Variants in FIBCD1 observed in about 807,000 individuals in gnomAD.
FIBCD1 encodes fibrinogen C domain-containing protein 1.
A neutral mutation model predicts 45.1 loss-of-function variants in FIBCD1; 47 were observed. That is an observed-to-expected ratio of 1.04 (90% CI 0.82 to 1.33). The LOEUF is 1.33. FIBCD1 is among the 40% of genes most tolerant of loss of function. FIBCD1 has a pLI of 0.00. For synonymous variants in FIBCD1, 313 were observed against 308.1 expected, an observed-to-expected ratio of 1.02 and a Z score of -0.17; for missense variants, 653 against 682.2, an observed-to-expected ratio of 0.96 and a Z score of 0.48.
At chr9:130,936,097 C>T (rs1294791685) in intron 1 of FIBCD1, 1 of 152,232 alleles carries the variant, frequency 6.6e-6, no homozygotes, top group Non-Finnish European at 1.5e-5. Flanking sequence ...GCAAAACACA[C>T]CAGTATGTCA....
At chr9:130,910,426 C>T (rs969503697) in intron 5 of FIBCD1, among the ~76,000 whole-genome samples, 10 of 152,220 alleles carry the variant, frequency 6.6e-5, no homozygotes, top group African/African-American at 2.2e-4. Context: ...GGCTCCTGTG[C>T]GGCCCGAGCC....
At position 130,909,478 on chromosome 9, in the gene FIBCD1, G is replaced by A. The variant is rs1290316298; in HGVS notation, c.946+2314C>T. 4.6e-5 allele frequency among the ~76,000 whole-genome samples: 7 copies of A among 152,326 alleles called. No individual in the cohort carries two copies. In the East Asian group the frequency reaches 1.3e-3, roughly 29 times the overall value. Reference sequence around the variant, plus strand: ...GGGGTACAGGGTTTCCTTCTGGAGTGAGGAAAAGGTTCTGGACCCAGTGGC... The same window carrying A: ...GGGGTACAGGGTTTCCTTCTGGAGTAAGGAAAAGGTTCTGGACCCAGTGGC... On this transcript the variant is annotated intron_variant, in intron 5 of 6. Transcript: ENST00000372338.
chr9:130,906,203 G>A (rs1361468036), intron 5 of FIBCD1, among the ~76,000 whole-genome samples: 2 of 152,092 alleles, frequency 1.3e-5, no homozygotes, highest in Non-Finnish European at 2.9e-5. Context: ...CCCATCCCCG[G>A]GGTCTCATGC....
At chr9:130,915,650 C>T (rs1407546270) in intron 4 of FIBCD1, among the ~76,000 whole-genome samples, 4 of 152,080 alleles carry the variant, frequency 2.6e-5, no homozygotes, top group African/African-American at 7.2e-5. Context: ...TGCAGTGAGC[C>T]GAGATCGCGC....
intron 4 of FIBCD1, among the ~76,000 whole-genome samples, chr9:130,921,255 C>G (rs770077735): frequency 6.6e-6 from 1 of 152,258 alleles, no homozygotes; most frequent in Non-Finnish European, 1.5e-5. Flanking sequence ...GAAGGCCTAG[C>G]AGTTCGGACA....
intron 4 of FIBCD1, among the ~76,000 whole-genome samples, chr9:130,914,658 G>A (rs1832125243): frequency 6.6e-6 from 1 of 152,242 alleles, no homozygotes; most frequent in East Asian, 1.9e-4. Context: ...CAGAATGAGA[G>A]CAAGAAGCCC....
intron 4 of FIBCD1, among the ~76,000 whole-genome samples, chr9:130,914,179 C>T (rs1832115829): frequency 6.6e-6 from 1 of 152,192 alleles, no homozygotes; most frequent in African/African-American, 2.4e-5. Context: ...GCGAGGGCTC[C>T]TGCCTCCTCT....
At chr9:130,913,422 C>T (rs1832101820) in intron 4 of FIBCD1, among the ~76,000 whole-genome samples, 1 of 152,254 alleles carries the variant, frequency 6.6e-6, no homozygotes. Flanking sequence ...TGCCCGGATG[C>T]CCGGTCTGAC....
chr9:130,919,254 C>A (rs907305714), intron 4 of FIBCD1, among the ~76,000 whole-genome samples: 1 of 152,204 alleles, frequency 6.6e-6, no homozygotes, highest in Non-Finnish European at 1.5e-5. Context: ...AGGGTGTTGT[C>A]CCCGGTCACC....
intron 4 of FIBCD1, 113 bp from the exon 5 acceptor site, chr9:130,912,001 T>C (rs896934089): frequency 1.7e-5 from 16 of 919,890 alleles, no homozygotes; most frequent in Admixed American, 7.5e-5. Flanking sequence ...ACCTGCCCTC[T>C]CGGGAGGGCA....
Position 130,923,846 on chromosome 9 carries a change from TAGG to T in FIBCD1, c.744_746del (p.Leu249del), listed in dbSNP as rs763684759. 1.4e-5 allele frequency: 22 copies of T among 1,612,548 alleles called. No homozygotes were observed. Among genetic ancestry groups the T allele is most frequent in the Non-Finnish European group, 1.9e-5 (22 of 1,179,890 alleles). ...AGACGCCATCGTCCTGCTGTCCGCT[TAGG>T]AGGACGTCCAGACAGTCTCGGGGCC... is the stretch of plus-strand genomic sequence containing the variant. On this transcript the variant is annotated inframe_deletion, in exon 4 of 7. Coordinates refer to ENST00000372338, the MANE Select transcript of FIBCD1 (RefSeq NM_032843.5).
chr9:130,919,344 G>A (rs911435757), intron 4 of FIBCD1, among the ~76,000 whole-genome samples: 6 of 152,206 alleles, frequency 3.9e-5, no homozygotes, highest in Non-Finnish European at 7.3e-5. Flanking sequence ...GTAGCGTGGG[G>A]ACACTGTGGC....
intron 1 of FIBCD1, among the ~76,000 whole-genome samples, chr9:130,931,959 AG>A (rs1832452227): frequency 6.6e-6 from 1 of 152,256 alleles, no homozygotes; most frequent in Non-Finnish European, 1.5e-5. Flanking sequence ...AGTAAATATT[AG>A]TGGCTTTCAT....
rs1214341202 is a variant in FIBCD1 at position 130,939,166 on chromosome 9, G to A, written c.-559C>T. ...TGCTGGCTCCCGGAGGGGCCTGAGA[G>A]CCCCCCGGCGGCGCCTCTGCACAAA... On this transcript the variant is annotated 5_prime_UTR_variant, in exon 1 of 7. Coordinates refer to ENST00000372338, the MANE Select transcript of FIBCD1 (RefSeq NM_032843.5). 6.6e-6 allele frequency: 1 copy of A among 151,704 alleles called. No homozygotes were observed. Among genetic ancestry groups the A allele is most frequent in the Non-Finnish European group, 1.5e-5 (1 of 67,866 alleles). 9.4% of individuals were successfully genotyped at this position (151,704 alleles called of 1,614,324 possible). A position where few individuals can be genotyped will look rare whatever the true frequency, so the allele number is the denominator to read the frequency against.
At chr9:130,925,755 C>T (rs939352054) in intron 2 of FIBCD1, among the ~76,000 whole-genome samples, 1 of 152,166 alleles carries the variant, frequency 6.6e-6, no homozygotes, top group Non-Finnish European at 1.5e-5. Flanking sequence ...GGCTGCAGGA[C>T]CACGTGGAGG....
chr9:130,904,773 C>T (rs1284470978), intron 6 of FIBCD1, among the ~76,000 whole-genome samples: 9 of 152,188 alleles, frequency 5.9e-5, no homozygotes, highest in Admixed American at 5.9e-4. Flanking sequence ...CCAGGCTCTG[C>T]TGGCTTCGCC....
intron 4 of FIBCD1, among the ~76,000 whole-genome samples, chr9:130,917,742 C>T (rs578061559): frequency 2.4e-4 from 37 of 152,308 alleles, no homozygotes; most frequent in African/African-American, 7.5e-4. Flanking sequence ...AGGATGACCA[C>T]GGCCTTCCCC....
intron 5 of FIBCD1, among the ~76,000 whole-genome samples, chr9:130,910,579 G>A (rs1259547590): frequency 6.6e-6 from 1 of 152,252 alleles, no homozygotes; most frequent in Non-Finnish European, 1.5e-5. Flanking sequence ...GAAGCTAGCT[G>A]GGCTCCTGAG....
Position 130,929,876 on chromosome 9 carries a change from A to G in FIBCD1, c.243T>C (p.Thr81=), listed in dbSNP as rs1164162960. Residue 81 remains threonine, a synonymous_variant, in exon 2 of 7, where the codon ACT becomes ACC. Coordinates refer to ENST00000372338, the MANE Select transcript of FIBCD1 (RefSeq NM_032843.5). ...GGTGCGAGCTGTCCGCCCTTTCCAC[A>G]GTGACCAGGGCGCTGTTGGCGCTGG... is the stretch of plus-strand genomic sequence containing the variant. ...GAASANSALV[T]VERADSSHLS... 1.3e-6 allele frequency: 2 copies of G among 1,549,622 alleles called. No individual in the cohort carries two copies. The highest frequency in any genetic ancestry group is 2.4e-5 in the East Asian group (1 of 40,916).
Sources: allele counts gnomAD v4.1 joint callset (sites outside exome capture counted in the v4.1 genomes callset), GRCh38; gene constraint gnomAD v4.1.1; transcripts MANE v1.5; gene names NCBI Gene and HGNC (gene_info 2026-07-23, HGNC 2026-07-21).